Variants in PPP1R9A observed in about 807,000 individuals in gnomAD.
The protein encoded by PPP1R9A is protein phosphatase 1 regulatory subunit 9A.
In PPP1R9A, 59 loss-of-function variants were observed where a neutral mutation model predicts 141.9. The observed-to-expected ratio is 0.42, with a 90% CI of 0.34 to 0.52. The LOEUF is 0.52. Ranked by LOEUF, PPP1R9A falls within the 20% of genes least tolerant of loss-of-function variation. The pLI, the probability that PPP1R9A is intolerant of heterozygous loss-of-function variation, is 0.10. For synonymous variants in PPP1R9A, 500 were observed against 569.7 expected (o/e 0.88, Z 1.74); for missense variants, 1,444 against 1,611.9 (o/e 0.90, Z 1.78).
At position 94,989,640 on chromosome 7, in the gene PPP1R9A, G is replaced by A. The variant is rs146542127; in HGVS notation, c.1395+78132G>A. On this transcript the variant is annotated intron_variant, in intron 2 of 19. Coordinates refer to ENST00000433360, the MANE Select transcript of PPP1R9A (RefSeq NM_001166160.2). ...TTTTCTCATTCCCAATTTCCTTACA[G>A]TGGCTTTTTACCAAACTCCTCAGGT... is the stretch of plus-strand genomic sequence containing the variant. Among the ~76,000 whole-genome samples, 120 of 152,126 alleles carry A rather than the reference G, an allele frequency of 7.9e-4. 1 individual carries two copies. The highest frequency in any genetic ancestry group is 3.4e-3 in the Middle Eastern group (1 of 294).
At chr7:94,917,888 T>C in intron 2 of PPP1R9A, among the ~76,000 whole-genome samples, 1 of 152,224 alleles carries the variant, frequency 6.6e-6, no homozygotes, top group East Asian at 1.9e-4. Context: ...CCATTACAAG[T>C]AATTTGATTG....
At chr7:95,138,926 G>A (rs2152561597) in intron 4 of PPP1R9A, among the ~76,000 whole-genome samples, 1 of 152,248 alleles carries the variant, frequency 6.6e-6, no homozygotes, top group East Asian at 1.9e-4. Context: ...TGCCACTTAG[G>A]AAAACAGTTT....
At position 95,198,329 on chromosome 7, in the gene PPP1R9A, C is replaced by A; in HGVS notation, c.1755-20C>A. ...TTGTTGGAGAGTCTTAAATATTAGT[C>A]TTTGTTAACCTTTCCACAGATTTGT... is the stretch of plus-strand genomic sequence containing the variant. On this transcript the variant is annotated intron_variant, in intron 5 of 19. Coordinates refer to ENST00000433360, the MANE Select transcript of PPP1R9A (RefSeq NM_001166160.2). 6.3e-7 allele frequency: 1 copy of A among 1,579,966 alleles called. No individual in the cohort carries two copies. The highest frequency in any genetic ancestry group is 1.2e-5 in the South Asian group (1 of 85,212).
intron 2 of PPP1R9A, among the ~76,000 whole-genome samples, chr7:94,928,436 G>C (rs1793748103): frequency 6.6e-6 from 1 of 152,120 alleles, no homozygotes; most frequent in African/African-American, 2.4e-5. Context: ...AAGATCCATT[G>C]GTCCCCCATT....
intron 5 of PPP1R9A, among the ~76,000 whole-genome samples, chr7:95,164,153 C>G (rs771102417): frequency 1.3e-5 from 2 of 152,166 alleles, no homozygotes; most frequent in African/African-American, 4.8e-5. Context: ...AACCACCAAC[C>G]CATCTTCAAA....
chr7:95,089,985 C>T (rs970774715), intron 2 of PPP1R9A, among the ~76,000 whole-genome samples: 1 of 151,788 alleles, frequency 6.6e-6, no homozygotes, highest in Non-Finnish European at 1.5e-5. Context: ...GACCCTCAGC[C>T]AAATGTCTGA....
intron 2 of PPP1R9A, among the ~76,000 whole-genome samples, chr7:94,956,337 A>G (rs75983538): frequency 0.013 from 2,026 of 152,168 alleles, 60 homozygotes; most frequent in African/African-American, 0.046. Context: ...CCTGCGTGCC[A>G]TAGAAGTAGA....
At position 94,910,103 on chromosome 7, in the gene PPP1R9A, C is replaced by A; in HGVS notation, c.-11C>A. ...CATTATGAACATTGGCTTTTCACCC[C>A]TGAAGTGAAAATGTTGAAAACTGAG... is the stretch of plus-strand genomic sequence containing the variant. On this transcript the variant is annotated 5_prime_UTR_variant, in exon 2 of 20. The change creates a new upstream start codon in the 5' untranslated region. Coordinates refer to ENST00000433360, the MANE Select transcript of PPP1R9A (RefSeq NM_001166160.2). This position sits in a 1 kb window ranked among gnomAD's most constrained non-coding sequence, Gnocchi z 4.5. 1 of 1,591,334 alleles carries A rather than the reference C, an allele frequency of 6.3e-7. No homozygotes were observed. The highest frequency in any genetic ancestry group is 8.5e-7 in the Non-Finnish European group (1 of 1,170,100).
At chr7:94,930,207 A>G (rs768497637) in intron 2 of PPP1R9A, among the ~76,000 whole-genome samples, 1 of 152,230 alleles carries the variant, frequency 6.6e-6, no homozygotes, top group Non-Finnish European at 1.5e-5. Flanking sequence ...GTAAGACAGC[A>G]GGAGAGTGTT....
chr7:94,910,086 A>G lies in PPP1R9A; in HGVS notation c.-28A>G. The G allele has an allele frequency of 6.3e-7, 1 of 1,575,944 alleles. No individual in the cohort carries two copies. The highest frequency in any genetic ancestry group is 1.4e-5 in the African/African-American group (1 of 73,154). ...TGGTTTTTTTCTTTGATCATTATGA[A>G]CATTGGCTTTTCACCCCTGAAGTGA... is the stretch of plus-strand genomic sequence containing the variant. On this transcript the variant is annotated 5_prime_UTR_variant, in exon 2 of 20. Transcript: ENST00000433360. The surrounding 1 kb of genome is among the most constrained non-coding windows in gnomAD (Gnocchi z 4.5).
intron 2 of PPP1R9A, among the ~76,000 whole-genome samples, chr7:95,046,080 CTTT>C (rs35583144): frequency 3.2e-5 from 4 of 124,888 alleles, no homozygotes; most frequent in Non-Finnish European, 3.4e-5. Context: ...TATTTCTTTT[CTTT>C]TTTTTTTTTT....
chr7:94,948,773 A>C (rs1796152758), intron 2 of PPP1R9A, among the ~76,000 whole-genome samples: 1 of 152,114 alleles, frequency 6.6e-6, no homozygotes, highest in South Asian at 2.1e-4. Context: ...AGCATACTTG[A>C]AACTTGGGAC....
At chr7:95,075,950 AG>A (rs2152234659) in intron 2 of PPP1R9A, among the ~76,000 whole-genome samples, 1 of 152,282 alleles carries the variant, frequency 6.6e-6, no homozygotes, top group East Asian at 1.9e-4. Flanking sequence ...AGTAATTAAG[AG>A]TTGTTTACTA....
At chr7:95,106,501 A>G (rs1230387044) in intron 2 of PPP1R9A, among the ~76,000 whole-genome samples, 1 of 152,154 alleles carries the variant, frequency 6.6e-6, no homozygotes, top group Non-Finnish European at 1.5e-5. Context: ...AGAGATATAC[A>G]TCTCTTCAAT....
intron 7 of PPP1R9A, among the ~76,000 whole-genome samples, chr7:95,211,409 A>G (rs1792098697): frequency 6.6e-6 from 1 of 152,136 alleles, no homozygotes; most frequent in Non-Finnish European, 1.5e-5. Flanking sequence ...TGGCTTGATG[A>G]TGTCTTCAAT....
intron 2 of PPP1R9A, among the ~76,000 whole-genome samples, chr7:94,990,054 A>G (rs1801320016): frequency 1.3e-5 from 2 of 152,110 alleles, no homozygotes; most frequent in African/African-American, 4.8e-5. Context: ...CAGTCATTTT[A>G]TACATAATAA....
chr7:95,064,768 T>C (rs1256265479), intron 2 of PPP1R9A, among the ~76,000 whole-genome samples: 7 of 152,198 alleles, frequency 4.6e-5, no homozygotes, highest in Admixed American at 4.6e-4. Context: ...AAATTGTAAA[T>C]TATGGAATAA....
At chr7:95,139,963 A>C (rs558089912) in intron 4 of PPP1R9A, among the ~76,000 whole-genome samples, 2 of 152,292 alleles carry the variant, frequency 1.3e-5, no homozygotes, top group African/African-American at 2.4e-5. Flanking sequence ...CAAATCTCTA[A>C]TACTACTACC....
At chr7:95,019,313 G>A (rs746082063) in intron 2 of PPP1R9A, among the ~76,000 whole-genome samples, 3 of 152,156 alleles carry the variant, frequency 2.0e-5, no homozygotes, top group Non-Finnish European at 4.4e-5. Flanking sequence ...AACCCATGAG[G>A]TGGAGGTTGC....
Sources: allele counts gnomAD v4.1 joint callset (sites outside exome capture counted in the v4.1 genomes callset), GRCh38; gene constraint gnomAD v4.1.1; non-coding constraint Gnocchi (gnomAD v3.1); transcripts MANE v1.5; gene names NCBI Gene and HGNC (gene_info 2026-07-23, HGNC 2026-07-21).